TXNDC11: variants seen among roughly 807,000 people sequenced by gnomAD.
TXNDC11 encodes the protein thioredoxin domain-containing protein 11.
In TXNDC11, 68 loss-of-function variants were observed where a neutral mutation model predicts 78.0. The observed-to-expected ratio is 0.87, with a 90% CI of 0.72 to 1.07. TXNDC11 has a LOEUF of 1.07. Among genes scored for constraint, TXNDC11 ranks in the 50% least tolerant of loss-of-function variants. The pLI is 0.00. For synonymous variants in TXNDC11, 571 were observed against 495.2 expected (o/e 1.15, Z -2.03); for missense variants, 1,389 against 1,221.8 (o/e 1.14, Z -2.04).
chr16:11,679,105 C>A lies in TXNDC11; in HGVS notation c.*90G>T, dbSNP rs1015506281. ...TGATTTTCTAGACCACTGAGAAAATCTTTATTTACAATAAATTTCAATAAA... is the reference window on the plus strand; with the variant it reads ...TGATTTTCTAGACCACTGAGAAAATATTTATTTACAATAAATTTCAATAAA... On this transcript the variant is annotated 3_prime_UTR_variant, in exon 12 of 12. Transcript: ENST00000283033. This position sits in a 1 kb window ranked among gnomAD's most constrained non-coding sequence, Gnocchi z 4.6. The A allele has an allele frequency of 2.2e-6, 3 of 1,370,638 alleles. No homozygotes were observed. The highest frequency in any genetic ancestry group is 2.9e-5 in the African/African-American group (2 of 67,886). The allele number at this position is 1,370,638 out of a possible 1,614,324, so 84.9% of individuals were successfully genotyped here. A position where few individuals can be genotyped will look rare whatever the true frequency, so the allele number is the denominator to read the frequency against.
chr16:11,740,600 A>C (rs73519626), intron 1 of TXNDC11, among the ~76,000 whole-genome samples: 6,130 of 152,296 alleles, frequency 0.04, 440 homozygotes, highest in African/African-American at 0.14. Flanking sequence ...TTTGAACCTA[A>C]ATGTCACCTC....
intron 7 of TXNDC11, among the ~76,000 whole-genome samples, chr16:11,692,799 A>G (rs1255394557): frequency 1.3e-5 from 2 of 151,628 alleles, no homozygotes; most frequent in African/African-American, 4.8e-5. Context: ...ATGAGATAAA[A>G]CCTCCACACA....
chr16:11,726,348 C>T (rs1041122131), intron 4 of TXNDC11, among the ~76,000 whole-genome samples: 28 of 151,916 alleles, frequency 1.8e-4, no homozygotes, highest in African/African-American at 5.6e-4. Context: ...TTTGGGAGGC[C>T]GAGGCAGGCA....
intron 5 of TXNDC11, among the ~76,000 whole-genome samples, chr16:11,709,594 C>A (rs913687989): frequency 6.7e-4 from 101 of 151,632 alleles, no homozygotes; most frequent in Non-Finnish European, 2.7e-4. Context: ...GCTACCATGC[C>A]CGGCTAATTT....
chr16:11,702,450 C>G lies in TXNDC11; in HGVS notation c.794-1886G>C, dbSNP rs575310201. Among the ~76,000 whole-genome samples, 225 of 152,194 alleles carry G rather than the reference C, an allele frequency of 1.5e-3. 1 individual carries two copies. The highest frequency in any genetic ancestry group is 2.6e-3 in the Non-Finnish European group (176 of 68,004). On this transcript the variant is annotated intron_variant, in intron 5 of 11. Transcript: ENST00000283033. ...TGGGAGGCCGAGGTGGGTGGATTGC[C>G]TGAGCTCAGAAGTTCAAGACCAGCC...
At chr16:11,704,088 G>A (rs538339738) in intron 5 of TXNDC11, among the ~76,000 whole-genome samples, 14 of 152,084 alleles carry the variant, frequency 9.2e-5, no homozygotes, top group African/African-American at 2.9e-4. Context: ...GTGAAACTCC[G>A]TCTCAAAAAA....
intron 10 of TXNDC11, among the ~76,000 whole-genome samples, 191 bp from the exon 11 acceptor site, chr16:11,684,436 C>G (rs562306822): frequency 6.6e-6 from 1 of 152,144 alleles, no homozygotes; most frequent in Admixed American, 6.5e-5. Flanking sequence ...CATTCTACTA[C>G]GTGGACGCTT....
intron 5 of TXNDC11, chr16:11,703,726 C>G: frequency 1.4e-6 from 1 of 701,850 alleles, no homozygotes; most frequent in Admixed American, 2.0e-5. Context: ...AACCAGGGCC[C>G]TTGGAGAAGA....
At chr16:11,698,013 C>A (rs960357605) in intron 7 of TXNDC11, 112 bp downstream of exon 7, 19 of 988,570 alleles carry the variant, frequency 1.9e-5, no homozygotes, top group Non-Finnish European at 2.5e-5. Context: ...ACAGCTGCCC[C>A]TCGTGGCAGC....
intron 10 of TXNDC11, among the ~76,000 whole-genome samples, chr16:11,686,194 G>C (rs1409232985): frequency 6.6e-6 from 1 of 152,190 alleles, no homozygotes; most frequent in African/African-American, 2.4e-5. Flanking sequence ...CTGGCCTCAG[G>C]TGATCCGCCC....
At position 11,742,575 on chromosome 16, in the gene TXNDC11, C is replaced by G; in HGVS notation, c.156G>C (p.Leu52=). Residue 52 remains leucine (L), a synonymous_variant, in exon 1 of 12, where the codon CTG becomes CTC. Coordinates refer to ENST00000283033, the MANE Select transcript of TXNDC11 (RefSeq NM_015914.7). The part of the protein sequence containing the change: ...ASSAGRLRRG[L]RGAFLMARQR... ...GGCGCGCCATGAGGAAGGCGCCACG[C>G]AGCCCGCGACGGAGCCGGCCCGCCG... The G allele has an allele frequency of 6.9e-7, 1 of 1,456,984 alleles. No homozygotes were observed. The allele number at this position is 1,456,984 out of a possible 1,614,324, so 90.3% of individuals were successfully genotyped here. A position where few individuals can be genotyped will look rare whatever the true frequency, so the allele number is the denominator to read the frequency against.
intron 5 of TXNDC11, among the ~76,000 whole-genome samples, chr16:11,714,027 A>G (rs980181853): frequency 1.4e-5 from 2 of 145,802 alleles, no homozygotes; most frequent in African/African-American, 5.1e-5. Flanking sequence ...ATACTGAGCA[A>G]GAAAACCCTA....
chr16:11,731,904 C>A (rs1257981430), intron 3 of TXNDC11, among the ~76,000 whole-genome samples: 1 of 152,110 alleles, frequency 6.6e-6, no homozygotes, highest in South Asian at 2.1e-4. Flanking sequence ...ACCCCATCAA[C>A]CACCAATAAT....
intron 5 of TXNDC11, among the ~76,000 whole-genome samples, chr16:11,713,321 A>G (rs2051423890): frequency 6.6e-6 from 1 of 152,108 alleles, no homozygotes. Context: ...TGGAAATAAA[A>G]GCATCTCTCA....
In TXNDC11 at chr16:11,712,668, C is replaced by A. The variant is rs145974020; in HGVS notation, c.793+8909G>T. 3.9e-5 allele frequency among the ~76,000 whole-genome samples: 6 copies of A among 152,198 alleles called. No individual in the cohort carries two copies. In the East Asian group the frequency reaches 9.7e-4, roughly 24 times the overall value. The stretch of plus-strand genomic sequence containing the variant: ...TATTTATAAGACTTAAGAAATAAGT[C>A]ATTGTGGGGCACAGTGGCTCACCCC... On this transcript the variant is annotated intron_variant, in intron 5 of 11. Transcript: ENST00000283033.
chr16:11,718,216 G>A lies in TXNDC11; in HGVS notation c.793+3361C>T, dbSNP rs186654162. On this transcript the variant is annotated intron_variant, in intron 5 of 11. Transcript: ENST00000283033. Reference sequence around the variant, plus strand: ...TTATTTATGCACTGATGACCAGCTAGCTTCAAAAAACAAATGTAGAACTTT... The same window carrying A: ...TTATTTATGCACTGATGACCAGCTAACTTCAAAAAACAAATGTAGAACTTT... 1.0e-3 allele frequency among the ~76,000 whole-genome samples: 152 copies of A among 152,156 alleles called. No individual in the cohort carries two copies. In the South Asian group the frequency reaches 0.011, roughly 11 times the overall value.
chr16:11,694,273 C>T (rs898064827), intron 7 of TXNDC11, among the ~76,000 whole-genome samples: 1 of 151,806 alleles, frequency 6.6e-6, no homozygotes, highest in African/African-American at 2.4e-5. Context: ...CGACACCCAG[C>T]CAATTTTTTC....
intron 7 of TXNDC11, among the ~76,000 whole-genome samples, chr16:11,693,635 C>T (rs901210934): frequency 6.6e-6 from 1 of 152,246 alleles, no homozygotes; most frequent in African/African-American, 2.4e-5. Context: ...CAATAGTTCT[C>T]GGCATAAAAA....
At chr16:11,702,932 A>T (rs78149121) in intron 5 of TXNDC11, among the ~76,000 whole-genome samples, 217 of 152,258 alleles carry the variant, frequency 1.4e-3, no homozygotes, top group African/African-American at 4.9e-3. Flanking sequence ...ATGAGTGTAA[A>T]ATGGCACAAA....
Sources: gnomAD v4.1 joint callset for allele counts (sites outside exome capture counted in the v4.1 genomes callset) on GRCh38, gnomAD v4.1.1 for gene constraint, Gnocchi (gnomAD v3.1) non-coding constraint, MANE v1.5 for transcripts, NCBI Gene and HGNC (gene_info 2026-07-23, HGNC 2026-07-21) for gene names.